The following SLC35E4 variants were observed in gnomAD, a reference collection of about 807,000 sequenced individuals.
The protein encoded by SLC35E4 is solute carrier family 35, member E4.
SLC35E4 carries 15 observed loss-of-function variants against 19.3 expected under a neutral mutation model. The observed-to-expected ratio is 0.78, with a 90% CI of 0.52 to 1.20. SLC35E4 has a LOEUF of 1.20. Ranked by LOEUF, SLC35E4 falls within the 50% of genes most tolerant of loss-of-function variation. The pLI, the probability that SLC35E4 is intolerant of heterozygous loss-of-function variation, is 0.00. For synonymous variants in SLC35E4, 219 were observed against 219.9 expected (o/e 1.00, Z 0.04); for missense variants, 406 against 472.3 (o/e 0.86, Z 1.30).
downstream of SLC35E4, among the ~76,000 whole-genome samples, chr22:30,666,437 ATG>A (rs1328935000): frequency 2.2e-4 from 33 of 152,080 alleles, no homozygotes; most frequent in Non-Finnish European, 4.0e-4. Flanking sequence ...CCTGACCAAC[ATG>A]GTGAAACCCC....
intron 2 of SLC35E4, among the ~76,000 whole-genome samples, chr22:30,656,194 C>T (rs1175706988): frequency 1.3e-5 from 2 of 151,724 alleles, no homozygotes; most frequent in African/African-American, 2.4e-5. Flanking sequence ...CCAGGCTGAT[C>T]GCAAATTCCC....
chr22:30,649,116 C>T (rs1177616440), downstream of SLC35E4: 8 of 713,592 alleles, frequency 1.1e-5, no homozygotes, highest in Middle Eastern at 1.1e-3. Flanking sequence ...CACCTGGAAC[C>T]TAATCCTGCT....
At chr22:30,649,179 C>G (rs1313738795), downstream of SLC35E4, 3 of 716,388 alleles carry the variant, frequency 4.2e-6, no homozygotes, top group Non-Finnish European at 7.8e-6. Context: ...TCCAGATCTG[C>G]AAAATGGAAC....
chr22:30,656,343 C>T (rs903195839), intron 2 of SLC35E4, among the ~76,000 whole-genome samples: 1 of 152,136 alleles, frequency 6.6e-6, no homozygotes, highest in African/African-American at 2.4e-5. Context: ...AGGTCAAGAG[C>T]TACCTGCCCC....
chr22:30,663,293 A>T, exon 3 of SLC35E4: 1 of 790,646 alleles, frequency 1.3e-6, no homozygotes, highest in Non-Finnish European at 2.0e-6. Context: ...GTTAAAAGCT[A>T]CAGCAACTCT....
Position 30,647,312 on chromosome 22 carries a change from C to G in SLC35E4, c.*281C>G. 1 of 410,112 alleles carries G rather than the reference C, an allele frequency of 2.4e-6. No individual in the cohort carries two copies. Among genetic ancestry groups the G allele is most frequent in the Non-Finnish European group, 4.4e-6 (1 of 228,036 alleles). 25.4% of individuals were successfully genotyped at this position (410,112 alleles called of 1,614,324 possible). Reference sequence around the variant, plus strand: ...ACATGGGAGGCTAAGGTGGGAGGATCACTTGAGCCCTGGAGATCGAGGCTG... The same window carrying G: ...ACATGGGAGGCTAAGGTGGGAGGATGACTTGAGCCCTGGAGATCGAGGCTG... On this transcript the variant is annotated 3_prime_UTR_variant, in exon 2 of 2. Transcript: ENST00000343605.
intron 2 of SLC35E4, among the ~76,000 whole-genome samples, chr22:30,658,426 C>A (rs1463738920): frequency 6.6e-6 from 1 of 151,422 alleles, no homozygotes; most frequent in African/African-American, 2.4e-5. Flanking sequence ...CAGTGGTGGC[C>A]AGAAAAGCAC....
intron 1 of SLC35E4, among the ~76,000 whole-genome samples, chr22:30,637,431 C>T (rs1247006928): frequency 2.0e-5 from 3 of 152,230 alleles, no homozygotes; most frequent in African/African-American, 7.2e-5. Context: ...GTGCACACCA[C>T]CACGCTAAGC....
At position 30,647,195 on chromosome 22, in the gene SLC35E4, C is replaced by T. The variant is rs111592009; in HGVS notation, c.*164C>T. On this transcript the variant is annotated 3_prime_UTR_variant, in exon 2 of 2. Coordinates refer to ENST00000343605, the MANE Select transcript of SLC35E4 (RefSeq NM_001001479.4). ...GGTGGATCACCTGAGGCCAGGAGTT[C>T]GAGACCAGCCTGGCTAACATGGCAA... The T allele has an allele frequency of 7.5e-3, 6,117 of 815,128 alleles. 251 individuals are homozygous for T. The African/African-American group carries it at 0.092, about 12-fold the overall frequency. 50.5% of individuals were successfully genotyped at this position (815,128 alleles called of 1,614,324 possible).
chr22:30,639,719 G>C (rs191923536), intron 1 of SLC35E4, among the ~76,000 whole-genome samples: 1 of 152,178 alleles, frequency 6.6e-6, no homozygotes, highest in Non-Finnish European at 1.5e-5. Context: ...TGTTCCACCC[G>C]GCTCACCGGC....
At chr22:30,651,371 T>TTTTGTGTGTGTG (rs1555899345), downstream of SLC35E4, among the ~76,000 whole-genome samples, 2 of 41,228 alleles carry the variant, frequency 4.9e-5, no homozygotes, top group African/African-American at 2.2e-4. Flanking sequence ...TGGCTAATTT[T>TTTTGTGTGTGTG]TGTGTGTGTG....
At chr22:30,649,062 G>A (rs1042917946), downstream of SLC35E4, 2 of 655,490 alleles carry the variant, frequency 3.1e-6, no homozygotes, top group African/African-American at 3.6e-5. Context: ...ACCTCTCCTG[G>A]AGATCACCTG....
downstream of SLC35E4, among the ~76,000 whole-genome samples, chr22:30,650,083 G>A (rs577300832): frequency 1.3e-5 from 2 of 149,638 alleles, 1 homozygote; most frequent in South Asian, 4.2e-4. Flanking sequence ...TGTAATCCCA[G>A]TACTTTGGGA....
intron 1 of SLC35E4, among the ~76,000 whole-genome samples, chr22:30,640,156 C>T (rs977670444): frequency 2.6e-5 from 4 of 152,072 alleles, no homozygotes; most frequent in Non-Finnish European, 5.9e-5. Context: ...GGGAGGATCA[C>T]GAGGTCAGGA....
Position 30,647,262 on chromosome 22 carries a change from G to T in SLC35E4, c.*231G>T. 1 of 563,562 alleles carries T rather than the reference G, an allele frequency of 1.8e-6. No individual in the cohort carries two copies. The highest frequency in any genetic ancestry group is 2.3e-5 in the South Asian group (1 of 44,024). 34.9% of individuals were successfully genotyped at this position (563,562 alleles called of 1,614,324 possible). A position where few individuals can be genotyped will look rare whatever the true frequency, so the allele number is the denominator to read the frequency against. Reference sequence around the variant, plus strand: ...AAAATAGAAAAATTAGCTGGGCATGGTGGCGCGTGCCTATAGTCCCAGCTA... The same window carrying T: ...AAAATAGAAAAATTAGCTGGGCATGTTGGCGCGTGCCTATAGTCCCAGCTA... On this transcript the variant is annotated 3_prime_UTR_variant, in exon 2 of 2. Transcript: ENST00000343605.
downstream of SLC35E4, among the ~76,000 whole-genome samples, chr22:30,666,549 GA>G (rs2145629531): frequency 6.6e-6 from 1 of 151,078 alleles, no homozygotes; most frequent in Admixed American, 6.6e-5. Flanking sequence ...TTGAACCCGG[GA>G]GGCGGAGGCT....
intron 2 of SLC35E4, chr22:30,661,444 C>CTTTTTTTT (rs56242112): frequency 3.7e-4 from 51 of 136,442 alleles, no homozygotes; most frequent in Non-Finnish European, 6.5e-4. Flanking sequence ...TTTTCTTTTT[C>CTTTTTTTT]TTTTTTTTTT....
In SLC35E4 at chr22:30,647,137, C is replaced by T; in HGVS notation, c.*106C>T. 1 of 1,335,852 alleles carries T rather than the reference C, an allele frequency of 7.5e-7. No individual in the cohort carries two copies. Among genetic ancestry groups the T allele is most frequent in the Non-Finnish European group, 1.0e-6 (1 of 1,004,130 alleles). 82.7% of individuals were successfully genotyped at this position (1,335,852 alleles called of 1,614,324 possible). ...ACAGGGCTGGGCATGGTGGCTCACGCCTATAATCCCAGCACTTCCAGAGTC... is the reference window on the plus strand; with the variant it reads ...ACAGGGCTGGGCATGGTGGCTCACGTCTATAATCCCAGCACTTCCAGAGTC... On this transcript the variant is annotated 3_prime_UTR_variant, in exon 2 of 2. Transcript: ENST00000343605.
At chr22:30,638,129 G>T (rs1183223509) in intron 1 of SLC35E4, among the ~76,000 whole-genome samples, 3 of 152,118 alleles carry the variant, frequency 2.0e-5, no homozygotes, top group Non-Finnish European at 2.9e-5. Context: ...ACTTTGGGAG[G>T]CTGAGGTGGG....
Sources: allele counts gnomAD v4.1 joint callset (sites outside exome capture counted in the v4.1 genomes callset), GRCh38; gene constraint gnomAD v4.1.1; transcripts MANE v1.5; gene names NCBI Gene and HGNC (gene_info 2026-07-23, HGNC 2026-07-21).